Variants in CCDC91 observed in about 807,000 individuals in gnomAD.
CCDC91 encodes coiled-coil domain containing 91, also known as coiled-coil domain-containing protein 91.
A neutral mutation model predicts 63.2 loss-of-function variants in CCDC91; 48 were observed. The ratio of observed to expected loss-of-function variants is 0.76; its 90% CI spans 0.60 to 0.97. The LOEUF (loss-of-function observed/expected upper bound fraction) is 0.97. CCDC91 is among the 50% of genes least tolerant of loss of function. The probability of loss-of-function intolerance (pLI) is 0.00; values close to 1 mark genes in which losing one functional copy is unlikely to be tolerated. For missense variants in CCDC91, 500 were observed against 494.6 expected, an observed-to-expected ratio of 1.01 and a Z score of -0.10; for synonymous variants, 167 against 165.8, an observed-to-expected ratio of 1.01 and a Z score of -0.06.
chr12:28,525,542 T>C (rs1762964949), intron 12 of CCDC91, among the ~76,000 whole-genome samples: 1 of 152,130 alleles, frequency 6.6e-6, no homozygotes, highest in Non-Finnish European at 1.5e-5. Context: ...TTGGAGAAAG[T>C]TCCATGCACT....
chr12:28,445,657 A>C (rs1949460789), intron 8 of CCDC91, among the ~76,000 whole-genome samples: 1 of 152,218 alleles, frequency 6.6e-6, no homozygotes, highest in African/African-American at 2.4e-5. Flanking sequence ...GCTGCCATTA[A>C]AAAGCACCCA....
intron 6 of CCDC91, among the ~76,000 whole-genome samples, chr12:28,335,184 ATAT>A (rs911354887): frequency 2.0e-4 from 28 of 137,754 alleles, no homozygotes; most frequent in African/African-American, 6.0e-4. Flanking sequence ...TATAATATAA[ATAT>A]TATATTTATA....
intron 3 of CCDC91, 136 bp downstream of exon 3, chr12:28,259,578 T>C: frequency 1.7e-6 from 1 of 589,330 alleles, no homozygotes; most frequent in Non-Finnish European, 3.0e-6. Flanking sequence ...CCAGATTTAC[T>C]CTTTAGGTTT....
At chr12:28,497,078 A>T (rs1346316836) in intron 12 of CCDC91, among the ~76,000 whole-genome samples, 1 of 150,880 alleles carries the variant, frequency 6.6e-6, no homozygotes, top group Non-Finnish European at 1.5e-5. Context: ...TTTTCATAGA[A>T]TGATGGCCAC....
intron 7 of CCDC91, among the ~76,000 whole-genome samples, chr12:28,376,502 C>T (rs551569040): frequency 1.1e-4 from 16 of 151,616 alleles, no homozygotes; most frequent in African/African-American, 3.4e-4. Context: ...TCCTTGTTTT[C>T]CTTGATGTGG....
chr12:28,528,270 G>A (rs1331649891), intron 12 of CCDC91, among the ~76,000 whole-genome samples: 2 of 151,912 alleles, frequency 1.3e-5, no homozygotes, highest in African/African-American at 4.8e-5. Context: ...CAAGCCCACA[G>A]GGGGACCCTA....
intron 8 of CCDC91, among the ~76,000 whole-genome samples, chr12:28,392,215 G>C (rs1945991885): frequency 6.6e-6 from 1 of 152,126 alleles, no homozygotes. Context: ...GTTTTAGGTA[G>C]TGAAATACCA....
chr12:28,359,898 G>A (rs1943767404), intron 6 of CCDC91, among the ~76,000 whole-genome samples: 1 of 152,160 alleles, frequency 6.6e-6, no homozygotes, highest in Non-Finnish European at 1.5e-5. Context: ...TACTATTTGT[G>A]AAATAACTTG....
chr12:28,417,382 T>C (rs1355500273), intron 8 of CCDC91, among the ~76,000 whole-genome samples: 1 of 152,104 alleles, frequency 6.6e-6, no homozygotes, highest in Non-Finnish European at 1.5e-5. Flanking sequence ...CCCCAAAAGA[T>C]TTCCTCGTGC....
intron 7 of CCDC91, among the ~76,000 whole-genome samples, chr12:28,369,799 A>G (rs1358269293): frequency 6.6e-6 from 1 of 152,174 alleles, no homozygotes; most frequent in African/African-American, 2.4e-5. Context: ...CCAACACCAC[A>G]TTGAAGCTAC....
At chr12:28,398,853 G>A (rs773485167) in intron 8 of CCDC91, among the ~76,000 whole-genome samples, 9 of 151,968 alleles carry the variant, frequency 5.9e-5, no homozygotes, top group African/African-American at 9.7e-5. Context: ...GTCTACTTTC[G>A]TAAATATTCA....
intron 11 of CCDC91, among the ~76,000 whole-genome samples, chr12:28,456,666 ATAAC>A (rs1950072752): frequency 6.6e-6 from 1 of 152,176 alleles, no homozygotes; most frequent in Admixed American, 6.6e-5. Context: ...GACTATCAGA[ATAAC>A]TGACTGGATG....
chr12:28,229,257 G>A (rs2135786540), intron 1 of CCDC91, among the ~76,000 whole-genome samples: 1 of 151,902 alleles, frequency 6.6e-6, no homozygotes, highest in African/African-American at 2.4e-5. Flanking sequence ...TAGGATCATG[G>A]CTGCTGCTGG....
At chr12:28,195,903 A>AAGAGC (rs1941725311) in intron 1 of CCDC91, among the ~76,000 whole-genome samples, 1 of 152,116 alleles carries the variant, frequency 6.6e-6, no homozygotes, top group Admixed American at 6.5e-5. Context: ...CCAGGAGTTC[A>AAGAGC]AGAGCAGCTT....
intron 1 of CCDC91, among the ~76,000 whole-genome samples, chr12:28,206,810 A>G (rs1942890007): frequency 6.6e-6 from 1 of 152,246 alleles, no homozygotes; most frequent in Non-Finnish European, 1.5e-5. Flanking sequence ...ATCATGCTAT[A>G]GAGCCTATCA....
intron 7 of CCDC91, among the ~76,000 whole-genome samples, chr12:28,382,426 C>T (rs1260016343): frequency 6.6e-6 from 1 of 151,820 alleles, no homozygotes; most frequent in Middle Eastern, 3.2e-3. Flanking sequence ...AACTCTCAAA[C>T]AACAAACTGT....
intron 8 of CCDC91, among the ~76,000 whole-genome samples, chr12:28,393,377 A>G (rs76530557): frequency 6.7e-6 from 1 of 150,116 alleles, no homozygotes; most frequent in African/African-American, 2.5e-5. Flanking sequence ...TTTCTTTTTG[A>G]AATTTTTTTT....
chr12:28,274,917 C>T (rs981584131), intron 3 of CCDC91, among the ~76,000 whole-genome samples: 7 of 151,882 alleles, frequency 4.6e-5, no homozygotes, highest in African/African-American at 1.7e-4. Flanking sequence ...CCCTTTGAAA[C>T]CAACGAGAAC....
chr12:28,218,083 T>C (rs1943686367), intron 1 of CCDC91, among the ~76,000 whole-genome samples: 1 of 152,180 alleles, frequency 6.6e-6, no homozygotes, highest in Admixed American at 6.5e-5. Flanking sequence ...GTTTGATCCC[T>C]TTAGATATCC....
Sources: allele counts gnomAD v4.1 joint callset (sites outside exome capture counted in the v4.1 genomes callset), GRCh38; gene constraint gnomAD v4.1.1; transcripts MANE v1.5; gene names NCBI Gene and HGNC (gene_info 2026-07-23, HGNC 2026-07-21).